FGFR3: variants seen among roughly 807,000 people sequenced by gnomAD.
The protein encoded by FGFR3 is fibroblast growth factor receptor 3.
A neutral mutation model predicts 82.9 loss-of-function variants in FGFR3; 25 were observed. The ratio of observed to expected loss-of-function variants is 0.30; its 90% CI spans 0.22 to 0.42. FGFR3 has a LOEUF of 0.42. Among genes scored for constraint, FGFR3 ranks in the 10% least tolerant of loss-of-function variants. The pLI, the probability that FGFR3 is intolerant of heterozygous loss-of-function variation, is 1.00. For missense variants in FGFR3, 1,026 were observed against 1,161.0 expected (o/e 0.88, Z 1.69); for synonymous variants, 620 against 516.0 (o/e 1.20, Z -2.73).
intron 2 of FGFR3, 74 bp downstream of exon 2, chr4:1,794,117 C>T (rs1030726612): frequency 1.1e-6 from 1 of 917,470 alleles, no homozygotes; most frequent in Non-Finnish European, 1.5e-6. Context: ...GAACCGGCCC[C>T]GGGTCGGAGG....
rs759448780 is a variant in FGFR3 at position 1,806,044 on chromosome 4, T to C, written c.1837-7T>C. The C allele has an allele frequency of 1.9e-6, 3 of 1,613,214 alleles. No homozygotes were observed. The South Asian group carries it at 3.3e-5, about 18-fold the overall frequency. On this transcript the variant is annotated splice_region_variant and splice_polypyrimidine_tract_variant and intron_variant, in intron 13 of 17. Coordinates refer to ENST00000440486, the MANE Select transcript of FGFR3 (RefSeq NM_000142.5). ...GGCTTCAGCCCTGCCTCCCACCCCT[T>C]CCCCAGTGCATCCACAGGGACCTGG...
intron 4 of FGFR3, among the ~76,000 whole-genome samples, chr4:1,801,084 T>C (rs1002625659): frequency 1.3e-5 from 2 of 152,204 alleles, no homozygotes; most frequent in African/African-American, 2.4e-5. Flanking sequence ...CACGCCTCTC[T>C]GGGCAGGTGG....
intron 2 of FGFR3, among the ~76,000 whole-genome samples, chr4:1,795,465 G>A (rs1277552508): frequency 3.3e-5 from 5 of 151,832 alleles, no homozygotes; most frequent in African/African-American, 4.8e-5. Flanking sequence ...CACTGGAGCT[G>A]GTGAAACAGG....
Position 1,793,826 on chromosome 4 carries a change from C to A in FGFR3, c.-102-7C>A. 1 of 193,044 alleles carries A rather than the reference C, an allele frequency of 5.2e-6. No individual in the cohort carries two copies. The highest frequency in any genetic ancestry group is 1.6e-4 in the South Asian group (1 of 6,078). The allele number at this position is 193,044 out of a possible 1,614,324, so 12.0% of individuals were successfully genotyped here. The stretch of plus-strand genomic sequence containing the variant: ...CCCTCTAACGAGCTGCCTTCCTCCT[C>A]CTGTAGTCTCCCGAGCGGCGCCCGC... On this transcript the variant is annotated splice_polypyrimidine_tract_variant and splice_region_variant and intron_variant, in intron 1 of 17. Transcript: ENST00000440486.
Position 1,801,381 on chromosome 4 carries a change from A to T in FGFR3, c.460A>T (p.Thr154Ser). ...TGVDTGAPYW[T>S]RPERMDKKLL... ...TCGGCCCGCAGGGGCCCCTTACTGG[A>T]CACGGCCCGAGCGGATGGACAAGAA... The change falls in exon 5 of 18, where the codon ACA becomes TCA. Residue 154 changes from threonine to serine, a missense_variant. By Grantham distance (58) the Thr-to-Ser change is moderately conservative. Around this residue, in one of 9 missense-constraint regions of FGFR3, gnomAD observed 147 missense variants for 228.1 expected, o/e 0.64. Coordinates refer to ENST00000440486, the MANE Select transcript of FGFR3 (RefSeq NM_000142.5). 1 of 1,556,708 alleles carries T rather than the reference A, an allele frequency of 6.4e-7. No individual in the cohort carries two copies. The highest frequency in any genetic ancestry group is 8.7e-7 in the Non-Finnish European group (1 of 1,151,906).
At position 1,805,442 on chromosome 4, in the gene FGFR3, C is replaced by A. The variant is rs1413677932; in HGVS notation, c.1500C>A (p.Ala500=). 1.2e-6 allele frequency: 2 copies of A among 1,611,670 alleles called. No homozygotes were observed. The highest frequency in any genetic ancestry group is 3.3e-5 in the Admixed American group (2 of 59,968). Residue 500 remains alanine, a synonymous_variant, in exon 11 of 18, where the codon GCC becomes GCA. Transcript: ENST00000440486. ...EAIGIDKDRA[A]KPVTVAVKML... Reference sequence around the variant, plus strand: ...TCGGCATTGACAAGGACCGGGCCGCCAAGCCTGTCACCGTAGCCGTGAAGA... The same window carrying A: ...TCGGCATTGACAAGGACCGGGCCGCAAAGCCTGTCACCGTAGCCGTGAAGA...
chr4:1,795,887 C>T (rs3135847), intron 2 of FGFR3, among the ~76,000 whole-genome samples: 584 of 152,320 alleles, frequency 3.8e-3, no homozygotes, highest in Non-Finnish European at 6.6e-3. Context: ...CCGCGTGGGC[C>T]TCTGGGTGGT....
chr4:1,806,381 G>A (rs1721921040), intron 15 of FGFR3, 54 bp downstream of exon 15: 3 of 1,608,348 alleles, frequency 1.9e-6, no homozygotes, highest in Admixed American at 3.3e-5. Flanking sequence ...ACTGGGCAGA[G>A]CCAGGACCCC....
chr4:1,801,581 G>T, intron 5 of FGFR3, 39 bp from the exon 6 acceptor site: 1 of 1,585,776 alleles, frequency 6.3e-7, no homozygotes, highest in South Asian at 1.1e-5. Context: ...CGCGGTGGTT[G>T]CTGCCTCCGC....
intron 15 of FGFR3, 49 bp from the exon 16 acceptor site, chr4:1,806,497 T>A (rs2108810807): frequency 1.2e-6 from 2 of 1,612,396 alleles, no homozygotes; most frequent in South Asian, 2.2e-5. Flanking sequence ...CCCGCCCAGG[T>A]GTCTGTCCTG....
Position 1,801,671 on chromosome 4 carries a change from C to T in FGFR3, c.667C>T (p.Arg223Cys), listed in dbSNP as rs1721198491. 1.9e-6 allele frequency: 3 copies of T among 1,611,366 alleles called. No homozygotes were observed. Among genetic ancestry groups the T allele is most frequent in the Non-Finnish European group, 2.5e-6 (3 of 1,179,340 alleles). Residue 223 changes from arginine (R) to cysteine (C), a missense_variant, in exon 6 of 18, where the codon CGC becomes TGC. Physicochemically the swap from Arg to Cys is radical, Grantham distance 180 (BLOSUM62 -3). Around this residue, in one of 9 missense-constraint regions of FGFR3, gnomAD observed 147 missense variants for 228.1 expected, o/e 0.64. Coordinates refer to ENST00000440486, the MANE Select transcript of FGFR3 (RefSeq NM_000142.5). Reference sequence around the variant, plus strand: ...CATGGAAAGCGTGGTGCCCTCGGACCGCGGCAACTACACCTGCGTCGTGGA... The same window carrying T: ...CATGGAAAGCGTGGTGCCCTCGGACTGCGGCAACTACACCTGCGTCGTGGA... ...LVMESVVPSD[R>C]GNYTCVVENK...
intron 8 of FGFR3, 62 bp downstream of exon 8, chr4:1,803,898 C>T (rs1326329802): frequency 1.3e-6 from 2 of 1,535,822 alleles, no homozygotes; most frequent in Admixed American, 1.7e-5. Context: ...TCGGGACACG[C>T]CAAAGCTGCC....
At chr4:1,804,665 G>A (rs1001428217) in intron 9 of FGFR3, 145 bp downstream of exon 9, 90 of 1,423,496 alleles carry the variant, frequency 6.3e-5, no homozygotes, top group Non-Finnish European at 8.6e-5. Context: ...TCACCATGTA[G>A]AGCCTAGGGT....
At chr4:1,803,315 C>T (rs1721438053) in intron 7 of FGFR3, among the ~76,000 whole-genome samples, 1 of 152,126 alleles carries the variant, frequency 6.6e-6, no homozygotes, top group African/African-American at 2.4e-5. Flanking sequence ...ACCGGGCCGG[C>T]TCCGTGCCGT....
At position 1,805,578 on chromosome 4, in the gene FGFR3, C is replaced by T; in HGVS notation, c.1554C>T (p.Asp518=). 4 of 1,613,258 alleles carry T rather than the reference C, an allele frequency of 2.5e-6. No individual in the cohort carries two copies. Among genetic ancestry groups the T allele is most frequent in the South Asian group, 1.1e-5 (1 of 91,088 alleles). Residue 518 remains aspartate (D), a synonymous_variant, in exon 12 of 18, where the codon GAC becomes GAT. Transcript: ENST00000440486. ...GCACAGACGATGCCACTGACAAGGA[C>T]CTGTCGGACCTGGTGTCTGAGATGG... The part of the protein sequence containing the change: ...KMLKDDATDK[D]LSDLVSEMEM...
At position 1,793,889 on chromosome 4, in the gene FGFR3, A is replaced by G. The variant is rs1171348811; in HGVS notation, c.-46A>G. 3 of 830,644 alleles carry G rather than the reference A, an allele frequency of 3.6e-6. No individual in the cohort carries two copies. The highest frequency in any genetic ancestry group is 4.6e-6 in the Non-Finnish European group (3 of 652,642). 51.5% of individuals were successfully genotyped at this position (830,644 alleles called of 1,614,324 possible). A position where few individuals can be genotyped will look rare whatever the true frequency, so the allele number is the denominator to read the frequency against. On this transcript the variant is annotated 5_prime_UTR_variant, in exon 2 of 18. It removes an upstream start codon present in the reference 5' UTR. Coordinates refer to ENST00000440486, the MANE Select transcript of FGFR3 (RefSeq NM_000142.5). ...CCCGCGCCGGGCCGTGGGGGGCAGC[A>G]TGCCCGCGCGCGCTGCCTGAGGACG...
In FGFR3 at chr4:1,799,786, A is replaced by T. The variant is rs973244733; in HGVS notation, c.419A>T (p.Glu140Val). 3.1e-6 allele frequency: 5 copies of T among 1,612,840 alleles called. No homozygotes were observed. Among genetic ancestry groups the T allele is most frequent in the Non-Finnish European group, 4.2e-6 (5 of 1,179,942 alleles). The change falls in exon 4 of 18, where the codon GAG becomes GTG. Residue 140 changes from glutamate to valine, a missense_variant. By Grantham distance (121) the Glu-to-Val change is moderately radical. Around this residue, in one of 9 missense-constraint regions of FGFR3, gnomAD observed 226 missense variants for 222.0 expected, o/e 1.02. Transcript: ENST00000440486. ...GGAGATGACGAAGACGGGGAGGACGAGGCTGAGGACACAGGTGTGGACACA... is the reference window on the plus strand; with the variant it reads ...GGAGATGACGAAGACGGGGAGGACGTGGCTGAGGACACAGGTGTGGACACA... ...SSGDDEDGED[E>V]AEDTGVDTGA...
chr4:1,793,527 G>A (rs1294821794), intron 1 of FGFR3, 62 bp downstream of exon 1: 2 of 149,818 alleles, frequency 1.3e-5, no homozygotes, highest in Admixed American at 6.6e-5. Context: ...GAGGGGTCGG[G>A]GCGCGGCTGT....
rs751496966 is a variant in FGFR3 at position 1,806,962 on chromosome 4, C to G, written c.2274+28C>G. On this transcript the variant is annotated intron_variant, in intron 17 of 17. Coordinates refer to ENST00000440486, the MANE Select transcript of FGFR3 (RefSeq NM_000142.5). ...GAGTGCTGGCTCTGGCCTGGTGCCA[C>G]CCGCCTATGCCCCTCCCCCTGCCGT... The G allele has an allele frequency of 1.3e-5, 20 of 1,575,712 alleles. No individual in the cohort carries two copies. The Middle Eastern group carries it at 5.0e-4, about 39-fold the overall frequency.
Sources: gnomAD v4.1 joint callset for allele counts (sites outside exome capture counted in the v4.1 genomes callset) on GRCh38, gnomAD v4.1.1 for gene constraint, gnomAD v4.1.1 regional missense constraint, MANE v1.5 for transcripts, NCBI Gene and HGNC (gene_info 2026-07-23, HGNC 2026-07-21) for gene names.